The following TBCA variants were observed in gnomAD, a reference collection of about 807,000 sequenced individuals.
The protein encoded by TBCA is tubulin folding cofactor A.
A neutral mutation model predicts 15.8 loss-of-function variants in TBCA; 6 were observed. The observed-to-expected ratio is 0.38, with a 90% CI of 0.21 to 0.75. TBCA has a LOEUF of 0.75. TBCA is among the 30% of genes least tolerant of loss of function. The pLI is 0.46. For missense variants in TBCA, 90 were observed against 131.2 expected (o/e 0.69, Z 1.53); for synonymous variants, 32 against 42.3 (o/e 0.76, Z 0.94).
intron 1 of TBCA, among the ~76,000 whole-genome samples, chr5:77,733,287 GAA>G (rs1746817691): frequency 6.6e-6 from 1 of 151,940 alleles, no homozygotes; most frequent in African/African-American, 2.4e-5. Context: ...TCTCAAGGGA[GAA>G]AAAAAAGTTA....
chr5:77,744,992 T>C (rs1460210199), intron 1 of TBCA, among the ~76,000 whole-genome samples: 1 of 152,226 alleles, frequency 6.6e-6, no homozygotes, highest in Non-Finnish European at 1.5e-5. Flanking sequence ...TTAAACTAAA[T>C]TTCTTCATCT....
intron 1 of TBCA, among the ~76,000 whole-genome samples, chr5:77,730,536 G>T (rs1580114053): frequency 6.6e-6 from 1 of 152,238 alleles, no homozygotes. Context: ...CTAAGTAATT[G>T]AAACAGATGC....
intron 1 of TBCA, among the ~76,000 whole-genome samples, chr5:77,738,168 C>A (rs1031169956): frequency 2.4e-4 from 36 of 152,176 alleles, no homozygotes; most frequent in Non-Finnish European, 5.3e-4. Context: ...TTTAATGGGG[C>A]TTTTTATTGT....
chr5:77,691,770 T>C, intron 3 of TBCA: 2 of 1,072,282 alleles, frequency 1.9e-6, no homozygotes, highest in South Asian at 8.0e-5. Context: ...CAGCATTAAT[T>C]AAATAAAAAC....
intron 1 of TBCA, among the ~76,000 whole-genome samples, chr5:77,768,036 G>C (rs1355083886): frequency 6.6e-6 from 1 of 152,172 alleles, no homozygotes; most frequent in Non-Finnish European, 1.5e-5. Context: ...TGAAGACACA[G>C]TGTTCAGCGC....
chr5:77,749,841 A>T (rs548869034), intron 1 of TBCA, among the ~76,000 whole-genome samples: 16 of 152,324 alleles, frequency 1.1e-4, no homozygotes, highest in African/African-American at 3.6e-4. Flanking sequence ...AGTTTTTTTT[A>T]AATGTGGTAT....
At chr5:77,746,437 A>G (rs1465416222) in intron 1 of TBCA, among the ~76,000 whole-genome samples, 1 of 152,208 alleles carries the variant, frequency 6.6e-6, no homozygotes, top group East Asian at 1.9e-4. Context: ...ATTCTGGGAT[A>G]AGGGAAGATT....
At chr5:77,714,952 T>C (rs1746365348) in intron 1 of TBCA, among the ~76,000 whole-genome samples, 1 of 152,268 alleles carries the variant, frequency 6.6e-6, no homozygotes, top group South Asian at 2.1e-4. Context: ...ATCCCTGCCC[T>C]ATGGCACTTT....
intron 1 of TBCA, among the ~76,000 whole-genome samples, chr5:77,747,005 G>C (rs1747201209): frequency 6.6e-6 from 1 of 152,024 alleles, no homozygotes; most frequent in Non-Finnish European, 1.5e-5. Context: ...CTTCTCTAAA[G>C]TGCTATAAAA....
rs369503598 is a variant in TBCA at position 77,776,260 on chromosome 5, T to C, written c.-3A>G. The C allele has an allele frequency of 4.1e-4, 646 of 1,578,476 alleles. 10 individuals carry two copies. The South Asian group carries it at 6.2e-3, about 15-fold the overall frequency. The stretch of plus-strand genomic sequence containing the variant: ...TGTCTCACGCGAGGATCGGCCATGG[T>C]CCCTCGAGCGCCGCGAGAAGGAGGG... On this transcript the variant is annotated 5_prime_UTR_variant, in exon 1 of 4. Coordinates refer to ENST00000380377, the MANE Select transcript of TBCA (RefSeq NM_004607.3).
chr5:77,756,656 GCT>G (rs1747483508), intron 1 of TBCA, among the ~76,000 whole-genome samples: 1 of 150,954 alleles, frequency 6.6e-6, no homozygotes, highest in African/African-American at 2.4e-5. Flanking sequence ...AGCTAGGACT[GCT>G]TCCTATAAAT....
At chr5:77,741,127 G>A (rs1747020652) in intron 1 of TBCA, among the ~76,000 whole-genome samples, 1 of 152,134 alleles carries the variant, frequency 6.6e-6, no homozygotes, top group Non-Finnish European at 1.5e-5. Context: ...CTTTTTTACT[G>A]CTACTACTAA....
chr5:77,708,571 G>GAA (rs1746202390), intron 1 of TBCA: 1 of 300,662 alleles, frequency 3.3e-6, no homozygotes, highest in East Asian at 5.9e-5. Context: ...ATCAAAGCAT[G>GAA]AAATTCTTTT....
At chr5:77,701,682 C>A (rs1322224486) in intron 2 of TBCA, among the ~76,000 whole-genome samples, 2 of 50,970 alleles carry the variant, frequency 3.9e-5, no homozygotes, top group South Asian at 8.7e-4. Context: ...CTGTGGCATG[C>A]ATATATATAT....
At chr5:77,706,796 G>C (rs1746159808) in intron 2 of TBCA, among the ~76,000 whole-genome samples, 2 of 118,202 alleles carry the variant, frequency 1.7e-5, no homozygotes, top group Admixed American at 2.1e-4. Flanking sequence ...GGGTGACACA[G>C]CAAGACTCCA....
chr5:77,713,234 T>C (rs1413228487), intron 1 of TBCA, among the ~76,000 whole-genome samples: 1 of 152,172 alleles, frequency 6.6e-6, no homozygotes, highest in Non-Finnish European at 1.5e-5. Context: ...GAGTCAAGGA[T>C]GCAGTAAGCT....
intron 2 of TBCA, chr5:77,705,510 C>T: frequency 2.5e-6 from 1 of 398,348 alleles, no homozygotes; most frequent in Non-Finnish European, 4.4e-6. Context: ...TATGTAAATC[C>T]TTATGAAGGG....
At chr5:77,715,362 T>C (rs551438904) in intron 1 of TBCA, 4 of 685,014 alleles carry the variant, frequency 5.8e-6, no homozygotes, top group Non-Finnish European at 1.1e-5. Context: ...GCTATAGGCC[T>C]GAAAAACAAT....
chr5:77,732,964 A>AT (rs1491277578), intron 1 of TBCA, among the ~76,000 whole-genome samples: 4 of 152,284 alleles, frequency 2.6e-5, no homozygotes, highest in African/African-American at 9.6e-5. Flanking sequence ...GAAGAATCAC[A>AT]TGTCTCTAAC....
Sources: gnomAD v4.1 joint callset for allele counts (sites outside exome capture counted in the v4.1 genomes callset) on GRCh38, gnomAD v4.1.1 for gene constraint, MANE v1.5 for transcripts, NCBI Gene and HGNC (gene_info 2026-07-23, HGNC 2026-07-21) for gene names.